The following LRRTM4 variants were observed in gnomAD, a reference collection of about 807,000 sequenced individuals.
LRRTM4 encodes leucine rich repeat transmembrane neuronal 4, also known as leucine-rich repeat transmembrane neuronal protein 4.
A neutral mutation model predicts 47.6 loss-of-function variants in LRRTM4; 25 were observed. The observed-to-expected ratio is 0.53, with a 90% CI of 0.38 to 0.73. The LOEUF is 0.73. Among genes scored for constraint, LRRTM4 ranks in the 30% least tolerant of loss-of-function variants. The pLI is 0.00. For missense variants in LRRTM4, 638 were observed against 713.4 expected (o/e 0.89, Z 1.20); for synonymous variants, 311 against 269.5 (o/e 1.15, Z -1.51).
chr2:76,786,523 G>A (rs1258769489), intron 3 of LRRTM4, among the ~76,000 whole-genome samples: 1 of 116,470 alleles, frequency 8.6e-6, no homozygotes, highest in African/African-American at 2.7e-5. Flanking sequence ...TATATGCCAT[G>A]AAGCTCTTTG....
intron 3 of LRRTM4, among the ~76,000 whole-genome samples, chr2:76,970,443 TATTG>T (rs1479152168): frequency 6.6e-6 from 1 of 152,026 alleles, no homozygotes; most frequent in Admixed American, 6.6e-5. Context: ...GTGATAAGCG[TATTG>T]ATTCGTGTCC....
chr2:77,260,374 C>CGTGTGT (rs58758948), intron 3 of LRRTM4, among the ~76,000 whole-genome samples: 1,887 of 140,454 alleles, frequency 0.013, 29 homozygotes, highest in Admixed American at 0.037. Flanking sequence ...ACCAAAAAAT[C>CGTGTGT]GTGTGTGTGT....
At chr2:77,449,043 A>C (rs1676158265) in intron 3 of LRRTM4, among the ~76,000 whole-genome samples, 1 of 152,206 alleles carries the variant, frequency 6.6e-6, no homozygotes, top group African/African-American at 2.4e-5. Context: ...TCCTAACATA[A>C]GGAATAGCAG....
At chr2:77,426,998 CT>C (rs1675145995) in intron 3 of LRRTM4, among the ~76,000 whole-genome samples, 6 of 82,674 alleles carry the variant, frequency 7.3e-5, no homozygotes, top group Non-Finnish European at 7.2e-5. Flanking sequence ...TTTTTTTTTT[CT>C]GACGGAGTCT....
chr2:76,970,076 G>A (rs948989151), intron 3 of LRRTM4, among the ~76,000 whole-genome samples: 3 of 151,944 alleles, frequency 2.0e-5, no homozygotes, highest in South Asian at 2.1e-4. Context: ...CTTGTTCATC[G>A]TCACTCAACA....
chr2:77,163,575 A>G (rs528100550), intron 3 of LRRTM4, among the ~76,000 whole-genome samples: 1 of 152,344 alleles, frequency 6.6e-6, no homozygotes, highest in African/African-American at 2.4e-5. Context: ...GCAGCCAGAG[A>G]AAAAGTTTGG....
intron 3 of LRRTM4, among the ~76,000 whole-genome samples, chr2:76,858,751 T>A (rs1369396615): frequency 1.1e-4 from 17 of 152,220 alleles, no homozygotes. Context: ...AGAATATGGA[T>A]CTCTATCACC....
chr2:76,973,066 G>T (rs1676276599), intron 3 of LRRTM4, among the ~76,000 whole-genome samples: 1 of 151,950 alleles, frequency 6.6e-6, no homozygotes, highest in Admixed American at 6.6e-5. Flanking sequence ...ATGAAAGCAT[G>T]TTTTGACTTG....
At chr2:77,051,396 T>G (rs956424180) in intron 3 of LRRTM4, among the ~76,000 whole-genome samples, 4 of 152,286 alleles carry the variant, frequency 2.6e-5, no homozygotes, top group African/African-American at 9.6e-5. Context: ...GTTTACCATT[T>G]GCACTATGCA....
chr2:77,381,978 A>G (rs1427991434), intron 3 of LRRTM4, among the ~76,000 whole-genome samples: 1 of 152,082 alleles, frequency 6.6e-6, no homozygotes, highest in Non-Finnish European at 1.5e-5. Context: ...TGGGATATTA[A>G]TAAGCTATAT....
chr2:76,932,382 A>G (rs539918934), intron 3 of LRRTM4, among the ~76,000 whole-genome samples: 3 of 152,158 alleles, frequency 2.0e-5, no homozygotes, highest in East Asian at 3.9e-4. Context: ...TAGTAGTATA[A>G]TCTCCAACAT....
intron 3 of LRRTM4, among the ~76,000 whole-genome samples, chr2:76,896,927 G>A (rs1487167004): frequency 6.6e-6 from 1 of 151,080 alleles, no homozygotes; most frequent in East Asian, 1.9e-4. Flanking sequence ...AGAAGTGTGA[G>A]TTATGAATGT....
intron 3 of LRRTM4, among the ~76,000 whole-genome samples, chr2:76,850,073 T>G (rs1303924330): frequency 6.6e-6 from 1 of 152,138 alleles, no homozygotes; most frequent in Non-Finnish European, 1.5e-5. Context: ...TTTTGAACCC[T>G]CTACCATTTT....
intron 3 of LRRTM4, among the ~76,000 whole-genome samples, chr2:77,350,938 A>G (rs1671744452): frequency 6.6e-6 from 1 of 152,156 alleles, no homozygotes; most frequent in African/African-American, 2.4e-5. Context: ...TTGCATTTTA[A>G]GTTTAGGGGT....
rs190389142 is a variant in LRRTM4, at chr2:77,353,782, C to G, written c.1551+164536G>C. The stretch of plus-strand genomic sequence containing the variant: ...TAATATAACATTGAATAATGTACCC[C>G]CAACTGATATGAAATGCAGCTGATA... On this transcript the variant is annotated intron_variant, in intron 3 of 3. Transcript: ENST00000409884. Among the ~76,000 whole-genome samples the G allele has an allele frequency of 2.8e-3, 428 of 152,160 alleles. 4 individuals are homozygous for G. The highest frequency in any genetic ancestry group is 9.9e-3 in the East Asian group (51 of 5,160).
intron 3 of LRRTM4, among the ~76,000 whole-genome samples, chr2:76,807,471 C>CATATATATATATATACAT (rs1670554222): frequency 4.1e-5 from 4 of 97,480 alleles, no homozygotes; most frequent in Admixed American, 3.1e-4. Context: ...TATATATATA[C>CATATATATATATATACAT]ATATATATAT....
intron 3 of LRRTM4, among the ~76,000 whole-genome samples, chr2:76,770,867 A>G (rs183017255): frequency 1.2e-4 from 19 of 152,306 alleles, no homozygotes; most frequent in African/African-American, 3.6e-4. Flanking sequence ...TTCTAGGTCA[A>G]CTAAGTACTC....
intron 3 of LRRTM4, among the ~76,000 whole-genome samples, chr2:77,084,858 TAGAC>T: frequency 6.6e-6 from 1 of 152,334 alleles, no homozygotes; most frequent in African/African-American, 2.4e-5. Flanking sequence ...GGAAAAGTAC[TAGAC>T]AATGAATGTA....
chr2:77,454,328 CT>C (rs1173531467), intron 3 of LRRTM4, among the ~76,000 whole-genome samples: 2 of 152,156 alleles, frequency 1.3e-5, no homozygotes, highest in Non-Finnish European at 2.9e-5. Context: ...CAAGAATCTG[CT>C]TTTTTAGTAC....
Sources: gnomAD v4.1 joint callset for allele counts (sites outside exome capture counted in the v4.1 genomes callset) on GRCh38, gnomAD v4.1.1 for gene constraint, MANE v1.5 for transcripts, NCBI Gene and HGNC (gene_info 2026-07-23, HGNC 2026-07-21) for gene names.